Variants in CARF observed in about 807,000 individuals in gnomAD.
The protein encoded by CARF is calcium-responsive transcription factor.
CARF carries 57 observed loss-of-function variants against 82.0 expected under a neutral mutation model. The ratio of observed to expected loss-of-function variants is 0.70; its 90% CI spans 0.56 to 0.87. The LOEUF (loss-of-function observed/expected upper bound fraction) is 0.87. Ranked by LOEUF, CARF falls within the 40% of genes least tolerant of loss-of-function variation. CARF has a pLI of 0.00. For missense variants in CARF, 771 were observed against 855.8 expected (o/e 0.90, Z 1.24); for synonymous variants, 268 against 290.1 (o/e 0.92, Z 0.77).
intron 1 of CARF, among the ~76,000 whole-genome samples, chr2:202,917,496 G>A (rs1284196214): frequency 6.6e-6 from 1 of 152,116 alleles, no homozygotes; most frequent in Non-Finnish European, 1.5e-5. Context: ...GGGAGGTAGG[G>A]CATGGGGAGA....
Position 202,913,874 on chromosome 2 carries a change from A to T in CARF, c.-330+772A>T, listed in dbSNP as rs184876428. 7.2e-5 allele frequency among the ~76,000 whole-genome samples: 11 copies of T among 152,366 alleles called. No homozygotes were observed. The East Asian group carries it at 1.9e-3, about 27-fold the overall frequency. On this transcript the variant is annotated intron_variant, in intron 1 of 16. Transcript: ENST00000438828. ...ATCTTAATTTGATTTGAAAATTATG[A>T]TCAGGAAAATAACCTGAATATATGC...
At chr2:202,940,335 G>GT (rs1390007039) in intron 3 of CARF, among the ~76,000 whole-genome samples, 1 of 151,944 alleles carries the variant, frequency 6.6e-6, no homozygotes, top group Non-Finnish European at 1.5e-5. Context: ...TGCCCAGCCT[G>GT]TTTTTTTAAA....
rs779948077 is a variant in CARF, at chr2:202,961,255, C to T, written c.661C>T (p.Arg221Cys). The T allele has an allele frequency of 5.0e-6, 8 of 1,606,728 alleles. No individual in the cohort carries two copies. Among genetic ancestry groups the T allele is most frequent in the Admixed American group, 1.7e-5 (1 of 59,192 alleles). ...CATGCAGAAAATTGGAGATTCATAC[C>T]GTGGCTACTGTGTAAGTGAGACTGA... ...RSCEKIGDSYRGYCVSETELE... is the reference protein window; with the variant it reads ...RSCEKIGDSYCGYCVSETELE... Residue 221 changes from arginine (R) to cysteine (C), a missense_variant, in exon 9 of 17, where the codon CGT becomes TGT. Arg to Cys is a radical substitution (Grantham distance 180, BLOSUM62 -3). Transcript: ENST00000438828.
Position 202,982,371 on chromosome 2 carries a change from T to C in CARF, c.1989T>C (p.Thr663=), listed in dbSNP as rs757336693. ...AGGATACAGGGAATCTGGAAGGAAC[T>C]GTTCATCGGATTCTGTTGGGAGATG... ...DVEDTGNLEG[T]VHRILLGDVQ... Residue 663 remains threonine (T), a synonymous_variant, in exon 16 of 17, where the codon ACT becomes ACC. Transcript: ENST00000438828. 3 of 1,614,182 alleles carry C rather than the reference T, an allele frequency of 1.9e-6. No individual in the cohort carries two copies. In the East Asian group the frequency reaches 6.7e-5, roughly 36 times the overall value.
At chr2:202,946,000 C>T (rs2058478165) in intron 5 of CARF, among the ~76,000 whole-genome samples, 1 of 152,044 alleles carries the variant, frequency 6.6e-6, no homozygotes, top group Non-Finnish European at 1.5e-5. Context: ...TTAATAATGG[C>T]CATTCTGACT....
intron 14 of CARF, among the ~76,000 whole-genome samples, chr2:202,977,741 G>A (rs2060091548): frequency 6.6e-6 from 1 of 152,014 alleles, no homozygotes; most frequent in African/African-American, 2.4e-5. Context: ...TCTCTGTTCT[G>A]GAAATGTCTT....
At chr2:202,940,188 T>C (rs2058162203) in intron 3 of CARF, among the ~76,000 whole-genome samples, 1 of 151,968 alleles carries the variant, frequency 6.6e-6, no homozygotes, top group Non-Finnish European at 1.5e-5. Flanking sequence ...CATGCATCAC[T>C]GTGCCCAGCT....
rs915776343 is a variant in CARF, at chr2:202,973,730, G to C, written c.1332-604G>C. On this transcript the variant is annotated intron_variant, in intron 12 of 16. Coordinates refer to ENST00000438828, the MANE Select transcript of CARF (RefSeq NM_024744.17). ...ATGTGAAGTGTTCCATACAGTGCCT[G>C]ACATAGCATTAAAAACATTATTATA... The C allele has an allele frequency of 3.4e-5, 6 of 176,524 alleles. 1 individual carries two copies. The highest frequency in any genetic ancestry group is 2.3e-4 in the South Asian group (2 of 8,596). The allele number at this position is 176,524 out of a possible 1,614,324, so 10.9% of individuals were successfully genotyped here. A position where few individuals can be genotyped will look rare whatever the true frequency, so the allele number is the denominator to read the frequency against.
chr2:202,943,007 G>A (rs763985667), intron 5 of CARF, 40 bp downstream of exon 5: 1 of 1,487,088 alleles, frequency 6.7e-7, no homozygotes, highest in Admixed American at 1.7e-5. Flanking sequence ...ATGCCGTTTA[G>A]CAAAATGTAT....
intron 2 of CARF, among the ~76,000 whole-genome samples, chr2:202,921,563 A>G (rs1690795281): frequency 2.6e-5 from 4 of 152,200 alleles, no homozygotes; most frequent in Admixed American, 2.6e-4. Context: ...ACAGAATATA[A>G]ATTTTATACA....
chr2:202,950,808 A>G (rs577518146), intron 5 of CARF, among the ~76,000 whole-genome samples: 10 of 152,312 alleles, frequency 6.6e-5, no homozygotes, highest in Non-Finnish European at 1.2e-4. Context: ...AGCACGTGTA[A>G]GCAGTTGTCA....
intron 5 of CARF, among the ~76,000 whole-genome samples, chr2:202,951,836 C>CTTTT (rs112347376): frequency 1.9e-4 from 27 of 142,414 alleles, no homozygotes; most frequent in African/African-American, 6.7e-4. Context: ...ATCAAGTTAC[C>CTTTT]TTTTTTTTTT....
chr2:202,941,705 T>A (rs1281313145), intron 3 of CARF, among the ~76,000 whole-genome samples, 155 bp from the exon 4 acceptor site: 2 of 150,396 alleles, frequency 1.3e-5, no homozygotes, highest in Non-Finnish European at 3.0e-5. Context: ...GCAAGTCATT[T>A]TAAAAAGTGT....
intron 3 of CARF, among the ~76,000 whole-genome samples, chr2:202,929,022 G>A (rs569706050): frequency 4.2e-5 from 2 of 48,162 alleles, no homozygotes; most frequent in South Asian, 1.3e-3. Context: ...GAGCCATCAC[G>A]CCTGGCCTGT....
At chr2:202,918,373 T>C (rs545556052) in intron 2 of CARF, among the ~76,000 whole-genome samples, 1 of 152,082 alleles carries the variant, frequency 6.6e-6, no homozygotes, top group East Asian at 1.9e-4. Context: ...CAAAAAAAAT[T>C]AGCCGGGCAT....
At chr2:202,927,420 G>C (rs1692058882) in intron 3 of CARF, among the ~76,000 whole-genome samples, 1 of 151,734 alleles carries the variant, frequency 6.6e-6, no homozygotes, top group East Asian at 1.9e-4. Flanking sequence ...TATATATCCT[G>C]GATGGGTTAG....
At chr2:202,957,898 A>G (rs2059123852) in intron 8 of CARF, among the ~76,000 whole-genome samples, 1 of 152,120 alleles carries the variant, frequency 6.6e-6, no homozygotes. Context: ...GTGAGCCAAC[A>G]TCACGCCACT....
At chr2:202,935,133 TATA>T (rs1270311534) in intron 3 of CARF, among the ~76,000 whole-genome samples, 2 of 139,600 alleles carry the variant, frequency 1.4e-5, no homozygotes, top group African/African-American at 5.2e-5. Context: ...TTTATAATTA[TATA>T]ATATAATTAT....
intron 2 of CARF, among the ~76,000 whole-genome samples, chr2:202,920,157 CT>C (rs969806621): frequency 2.4e-3 from 338 of 142,172 alleles, no homozygotes; most frequent in Middle Eastern, 3.6e-3. Context: ...AATTCATAAT[CT>C]TTTTTTTTTT....
Sources: gnomAD v4.1 joint callset for allele counts (sites outside exome capture counted in the v4.1 genomes callset) on GRCh38, gnomAD v4.1.1 for gene constraint, MANE v1.5 for transcripts, NCBI Gene and HGNC (gene_info 2026-07-23, HGNC 2026-07-21) for gene names.